SIRT7: variants seen among roughly 807,000 people sequenced by gnomAD.
SIRT7 encodes sirtuin 7, also known as NAD-dependent protein deacetylase sirtuin-7.
Under a neutral mutation model 42.8 loss-of-function variants are expected in SIRT7, and 32 were observed. The ratio of observed to expected loss-of-function variants is 0.75; its 90% CI spans 0.56 to 1.00. The LOEUF (loss-of-function observed/expected upper bound fraction) is 1.00, where lower values mean the gene tolerates loss of function less well. SIRT7 is among the 50% of genes least tolerant of loss of function. The pLI is 0.00. For synonymous variants in SIRT7, 297 were observed against 245.2 expected (o/e 1.21, Z -1.97); for missense variants, 553 against 572.2 (o/e 0.97, Z 0.34).
chr17:81,911,995 A>C lies in SIRT7; in HGVS notation c.*421T>G, dbSNP rs765967836. The C allele has an allele frequency of 2.1e-5, 5 of 235,674 alleles. No individual in the cohort carries two copies. The highest frequency in any genetic ancestry group is 3.4e-5 in the Non-Finnish European group (4 of 117,530). 14.6% of individuals were successfully genotyped at this position (235,674 alleles called of 1,614,324 possible). ...AGGTCTGCATAGAGCCGAGGCTCGG[A>C]GCCACCCCTCTGCCGCACATCCAGT... On this transcript the variant is annotated 3_prime_UTR_variant, in exon 10 of 10. Transcript: ENST00000328666.
chr17:81,917,769 C>G, intron 2 of SIRT7, 50 bp from the exon 3 acceptor site: 1 of 1,450,790 alleles, frequency 6.9e-7, no homozygotes, highest in Non-Finnish European at 9.1e-7. Flanking sequence ...CACCCGGGAC[C>G]GCCCGTCGCC....
chr17:81,918,152 C>T lies in SIRT7; in HGVS notation c.-21G>A. On this transcript the variant is annotated 5_prime_UTR_variant, in exon 1 of 10. Transcript: ENST00000328666. ...GCCATCGCTCCCCTGGAGACCTGCTCTTCCGCTTCCGCCTCACACGGCAGG... is the reference window on the plus strand; with the variant it reads ...GCCATCGCTCCCCTGGAGACCTGCTTTTCCGCTTCCGCCTCACACGGCAGG... 6.5e-7 allele frequency: 1 copy of T among 1,538,344 alleles called. No individual in the cohort carries two copies. Among genetic ancestry groups the T allele is most frequent in the Non-Finnish European group, 8.7e-7 (1 of 1,153,238 alleles).
rs755990757 is a variant in SIRT7, at chr17:81,912,479, G to T, written c.1140C>A (p.Pro380=). The T allele has an allele frequency of 1.2e-6, 2 of 1,613,846 alleles. No individual in the cohort carries two copies. The highest frequency in any genetic ancestry group is 2.7e-5 in the African/African-American group (2 of 74,930). ...CCCTGCCAAACCAGCCCCCTAGGAT[G>T]GGGGCCGAGCTAAGCGGTGCACCCC... ...GDRGAPLSSA[P]ILGGWFGRGC... The change falls in exon 10 of 10, where the codon CCC becomes CCA. Residue 380 remains proline, a synonymous_variant. Coordinates refer to ENST00000328666, the MANE Select transcript of SIRT7 (RefSeq NM_016538.3).
intron 3 of SIRT7, 56 bp downstream of exon 3, chr17:81,917,559 C>G: frequency 7.0e-7 from 1 of 1,432,942 alleles, no homozygotes; most frequent in Non-Finnish European, 9.4e-7. Context: ...GCGAGTTTTT[C>G]GCGATTACTG....
Position 81,913,873 on chromosome 17 carries a change from G to C in SIRT7, c.905C>G (p.Pro302Arg). Reference protein sequence around the residue: ...KLYIVNLQWTPKDDWAALKLH... With the variant: ...KLYIVNLQWTRKDDWAALKLH... ...CTTCAGGGCAGCCCAGTCATCCTTC[G>C]GGGTCCACTGAGGACAGGGAAAGCC... The change falls in exon 9 of 10, where the codon CCG becomes CGG. Residue 302 changes from proline (P) to arginine (R), a missense_variant. By Grantham distance (103) the Pro-to-Arg change is moderately radical. Coordinates refer to ENST00000328666, the MANE Select transcript of SIRT7 (RefSeq NM_016538.3). This position sits in a 1 kb window ranked among gnomAD's most constrained non-coding sequence, Gnocchi z 5.0. The C allele has an allele frequency of 1.3e-6, 2 of 1,551,286 alleles. No individual in the cohort carries two copies. The highest frequency in any genetic ancestry group is 1.7e-6 in the Non-Finnish European group (2 of 1,147,798).
Position 81,915,466 on chromosome 17 carries a change from T to A in SIRT7, c.454A>T (p.Ile152Phe). The A allele has an allele frequency of 6.2e-7, 1 of 1,613,604 alleles. No individual in the cohort carries two copies. Among genetic ancestry groups the A allele is most frequent in the Non-Finnish European group, 8.5e-7 (1 of 1,179,896 alleles). ...EAEPTLTHMS[I>F]TRLHEQKLVQ... The stretch of plus-strand genomic sequence containing the variant: ...AGCTTCTGCTCATGCAGACGGGTGA[T>A]GCTCATGTGGGTGAGGGTTGGCTCG... Residue 152 changes from isoleucine (I) to phenylalanine (F), a missense_variant, in exon 5 of 10, where the codon ATC becomes TTC. By Grantham distance (21) the Ile-to-Phe change is conservative. Coordinates refer to ENST00000328666, the MANE Select transcript of SIRT7 (RefSeq NM_016538.3).
intron 9 of SIRT7, chr17:81,912,887 G>A (rs1038824220): frequency 9.5e-6 from 5 of 523,886 alleles, no homozygotes; most frequent in East Asian, 7.0e-5. Flanking sequence ...ACTGAGCGGC[G>A]TGCACACACA....
intron 3 of SIRT7, chr17:81,916,159 C>T (rs2040793363): frequency 5.8e-6 from 1 of 173,200 alleles, no homozygotes; most frequent in Non-Finnish European, 1.3e-5. Flanking sequence ...GGCAGAACAA[C>T]TTCTTCAGAT....
intron 9 of SIRT7, 156 bp from the exon 10 acceptor site, chr17:81,912,770 T>TA: frequency 1.3e-6 from 1 of 782,420 alleles, no homozygotes; most frequent in South Asian, 1.5e-5. Flanking sequence ...GCTTCATTGT[T>TA]ACCAAGCTGC....
chr17:81,912,654 C>A, intron 9 of SIRT7, 40 bp from the exon 10 acceptor site: 1 of 1,583,182 alleles, frequency 6.3e-7, no homozygotes, highest in Non-Finnish European at 8.6e-7. Context: ...GGCCTGGGAG[C>A]CTCTCGCAGT....
chr17:81,912,204 G>A lies in SIRT7; in HGVS notation c.*212C>T. ...GCGGCTGCCACCTCTTGACACAGAG[G>A]CCGGATGGGCAGGTGTCCTCGATGG... On this transcript the variant is annotated 3_prime_UTR_variant, in exon 10 of 10. Coordinates refer to ENST00000328666, the MANE Select transcript of SIRT7 (RefSeq NM_016538.3). 1 of 616,832 alleles carries A rather than the reference G, an allele frequency of 1.6e-6. No individual in the cohort carries two copies. The highest frequency in any genetic ancestry group is 1.9e-5 in the South Asian group (1 of 52,540). The allele number at this position is 616,832 out of a possible 1,614,324, so 38.2% of individuals were successfully genotyped here.
At position 81,912,327 on chromosome 17, in the gene SIRT7, C is replaced by A; in HGVS notation, c.*89G>T. ...GTGAAAATGTCATCCCCAAAGAGTT[C>A]GTTCTCCCTAGACCCGTGGGGGCAA... On this transcript the variant is annotated 3_prime_UTR_variant, in exon 10 of 10. Coordinates refer to ENST00000328666, the MANE Select transcript of SIRT7 (RefSeq NM_016538.3). 10 of 1,493,926 alleles carry A rather than the reference C, an allele frequency of 6.7e-6. No individual in the cohort carries two copies. The highest frequency in any genetic ancestry group is 9.3e-6 in the Non-Finnish European group (10 of 1,073,046). 92.5% of individuals were successfully genotyped at this position (1,493,926 alleles called of 1,614,324 possible). A position where few individuals can be genotyped will look rare whatever the true frequency, so the allele number is the denominator to read the frequency against.
Position 81,913,598 on chromosome 17 carries a change from A to C in SIRT7, c.1004+176T>G. The C allele has an allele frequency of 1.6e-6, 1 of 606,384 alleles. No individual in the cohort carries two copies. Among genetic ancestry groups the C allele is most frequent in the Non-Finnish European group, 2.9e-6 (1 of 341,106 alleles). 37.6% of individuals were successfully genotyped at this position (606,384 alleles called of 1,614,324 possible). ...CAGCCAGGGCAGGAGTGGCACACGC[A>C]GGGTCTCCGCCAACCACCGAGGTCA... On this transcript the variant is annotated intron_variant, in intron 9 of 9. Coordinates refer to ENST00000328666, the MANE Select transcript of SIRT7 (RefSeq NM_016538.3). The surrounding 1 kb of genome is among the most constrained non-coding windows in gnomAD (Gnocchi z 5.0).
At chr17:81,912,716 C>T (rs2040705418) in intron 9 of SIRT7, 102 bp from the exon 10 acceptor site, 3 of 1,271,228 alleles carry the variant, frequency 2.4e-6, no homozygotes, top group Non-Finnish European at 3.3e-6. Context: ...CTTCCCATCC[C>T]CTTCCCTCCC....
In SIRT7 at chr17:81,914,176, G is replaced by A; in HGVS notation, c.817-9C>T. The A allele has an allele frequency of 6.2e-7, 1 of 1,613,638 alleles. No homozygotes were observed. Among genetic ancestry groups the A allele is most frequent in the Non-Finnish European group, 8.5e-7 (1 of 1,180,010 alleles). ...GGGTACTTCTTTAGAACCTGTGGAAGCAGACAGACAGACACCGCACACACA... is the reference window on the plus strand; with the variant it reads ...GGGTACTTCTTTAGAACCTGTGGAAACAGACAGACAGACACCGCACACACA... On this transcript the variant is annotated splice_polypyrimidine_tract_variant and intron_variant, in intron 7 of 9. Coordinates refer to ENST00000328666, the MANE Select transcript of SIRT7 (RefSeq NM_016538.3).
In SIRT7 at chr17:81,915,700, G is replaced by A. The variant is rs199634635; in HGVS notation, c.337-19C>T. 1.9e-4 allele frequency: 301 copies of A among 1,612,742 alleles called. No individual in the cohort carries two copies. The highest frequency in any genetic ancestry group is 2.5e-4 in the Non-Finnish European group (294 of 1,179,606). Reference sequence around the variant, plus strand: ...ACGCTGCCTGCATGTCGAGAAAAAAGGTAAGCCAAGTCAAAAGGCACCACT... The same window carrying A: ...ACGCTGCCTGCATGTCGAGAAAAAAAGTAAGCCAAGTCAAAAGGCACCACT... On this transcript the variant is annotated intron_variant, in intron 3 of 9. Transcript: ENST00000328666.
chr17:81,912,945 G>T, intron 9 of SIRT7: 1 of 419,692 alleles, frequency 2.4e-6, no homozygotes, highest in Non-Finnish European at 4.4e-6. Context: ...CCAGGGATGA[G>T]TCACTAGCAA....
rs1304528236 is a variant in SIRT7, at chr17:81,913,123, A to T, written c.1005-509T>A. On this transcript the variant is annotated intron_variant, in intron 9 of 9. Transcript: ENST00000328666. The surrounding 1 kb of genome is among the most constrained non-coding windows in gnomAD (Gnocchi z 5.0). Reference sequence around the variant, plus strand: ...TAACTTAAGATACAGATACGCACTGATAAGGAAAATGAGCTAAGTTAATGT... The same window carrying T: ...TAACTTAAGATACAGATACGCACTGTTAAGGAAAATGAGCTAAGTTAATGT... 1 of 372,356 alleles carries T rather than the reference A, an allele frequency of 2.7e-6. No individual in the cohort carries two copies. The highest frequency in any genetic ancestry group is 2.1e-5 in the African/African-American group (1 of 47,002). The allele number at this position is 372,356 out of a possible 1,614,324, so 23.1% of individuals were successfully genotyped here.
rs1350274574 is a variant in SIRT7, at chr17:81,915,762, C to CT, written c.337-82dup. On this transcript the variant is annotated intron_variant, in intron 3 of 9. Transcript: ENST00000328666. ...CAGAATTCCCAGAAACGGAAAGCCA[C>CT]TGTCACTCCTGCCGCATTCCGGGCT... 3.4e-6 allele frequency: 5 copies of CT among 1,461,666 alleles called. No individual in the cohort carries two copies. In the African/African-American group the frequency reaches 5.6e-5, roughly 16 times the overall value. 90.5% of individuals were successfully genotyped at this position (1,461,666 alleles called of 1,614,324 possible). A position where few individuals can be genotyped will look rare whatever the true frequency, so the allele number is the denominator to read the frequency against.
Sources: allele counts gnomAD v4.1 joint callset, GRCh38; gene constraint gnomAD v4.1.1; non-coding constraint Gnocchi (gnomAD v3.1); transcripts MANE v1.5; gene names NCBI Gene and HGNC (gene_info 2026-07-23, HGNC 2026-07-21).